The following CCDC83 variants were observed in gnomAD, a reference collection of about 807,000 sequenced individuals.
CCDC83 encodes coiled-coil domain-containing protein 83.
A neutral mutation model predicts 50.1 loss-of-function variants in CCDC83; 54 were observed. That is an observed-to-expected ratio of 1.08 (90% CI 0.87 to 1.35). The LOEUF (loss-of-function observed/expected upper bound fraction) is 1.35, where lower values mean the gene tolerates loss of function less well. CCDC83 is among the 40% of genes most tolerant of loss of function. CCDC83 has a pLI of 0.00. For synonymous variants in CCDC83, 161 were observed against 153.3 expected, an observed-to-expected ratio of 1.05 and a Z score of -0.37; for missense variants, 518 against 473.9, an observed-to-expected ratio of 1.09 and a Z score of -0.86.
intron 2 of CCDC83, among the ~76,000 whole-genome samples, chr11:85,868,737 C>T (rs1414508731): frequency 6.6e-6 from 1 of 152,140 alleles, no homozygotes; most frequent in African/African-American, 2.4e-5. Flanking sequence ...GTCTCAAACT[C>T]CTGGGCTCAA....
At chr11:85,893,406 G>A (rs1280610598) in intron 5 of CCDC83, among the ~76,000 whole-genome samples, 1 of 152,180 alleles carries the variant, frequency 6.6e-6, no homozygotes, top group Non-Finnish European at 1.5e-5. Context: ...CTGGTCAATT[G>A]AAAGACCAGA....
chr11:85,863,124 C>T (rs2093187187), intron 1 of CCDC83, among the ~76,000 whole-genome samples: 1 of 152,180 alleles, frequency 6.6e-6, no homozygotes, highest in Non-Finnish European at 1.5e-5. Context: ...TGATCTCTTC[C>T]ATATGACTTA....
intron 3 of CCDC83, among the ~76,000 whole-genome samples, chr11:85,881,296 C>G (rs1191185974): frequency 6.6e-6 from 1 of 151,850 alleles, no homozygotes; most frequent in Non-Finnish European, 1.5e-5. Flanking sequence ...TCGCTTGAAC[C>G]AGGGAAGTGG....
chr11:85,899,366 T>C (rs1230906719), intron 7 of CCDC83, among the ~76,000 whole-genome samples: 1 of 152,208 alleles, frequency 6.6e-6, no homozygotes, highest in East Asian at 1.9e-4. Flanking sequence ...CTGGGTTAAA[T>C]TGTCTCTTTT....
At chr11:85,871,420 C>CT (rs1043132316) in intron 2 of CCDC83, among the ~76,000 whole-genome samples, 7 of 151,504 alleles carry the variant, frequency 4.6e-5, no homozygotes, top group African/African-American at 9.7e-5. Flanking sequence ...TCCAAACGAG[C>CT]TTTTTTTTGA....
rs1204876370 is a variant in CCDC83 at position 85,882,629 on chromosome 11, G to GA, written c.299dup (p.Glu101GlyfsTer6). 2 of 1,613,890 alleles carry GA rather than the reference G, an allele frequency of 1.2e-6. No individual in the cohort carries two copies. The highest frequency in any genetic ancestry group is 2.7e-5 in the African/African-American group (2 of 74,908). On this transcript the variant is annotated frameshift_variant, in exon 4 of 11. Coordinates refer to ENST00000342404, the MANE Select transcript of CCDC83 (RefSeq NM_001286159.2). LOFTEE classifies it high-confidence loss of function. ...CAAGAGAGGATGTTGAAGAAGCGAT[G>GA]AAGGAAAAATGGAAGTTTGAAAGAG...
intron 7 of CCDC83, among the ~76,000 whole-genome samples, chr11:85,900,360 T>C (rs1047792151): frequency 4.0e-5 from 6 of 151,418 alleles, no homozygotes; most frequent in Admixed American, 6.6e-5. Context: ...AGGTTTCTAG[T>C]GTAGACCTTA....
intron 7 of CCDC83, among the ~76,000 whole-genome samples, chr11:85,908,393 A>G (rs1265123484): frequency 6.6e-6 from 1 of 151,986 alleles, no homozygotes; most frequent in Admixed American, 6.6e-5. Flanking sequence ...TCTACTAAAG[A>G]TGCAAAAAAA....
In CCDC83 at chr11:85,916,048, C is replaced by CCAAT; in HGVS notation, c.896_897insAATC (p.Thr300IlefsTer7). On this transcript the variant is annotated frameshift_variant, in exon 10 of 11. Transcript: ENST00000342404. LOFTEE classifies it high-confidence loss of function. ...CCAAGAAGAGAAGTCAGAATTGCAA[C>CCAAT]CCACAGAAGTAGAAAGTAGAGACTT... 1 of 1,609,748 alleles carries CCAAT rather than the reference C, an allele frequency of 6.2e-7. No individual in the cohort carries two copies. Among genetic ancestry groups the CCAAT allele is most frequent in the Non-Finnish European group, 8.5e-7 (1 of 1,177,922 alleles).
At chr11:85,879,839 G>A (rs1273451118) in intron 3 of CCDC83, among the ~76,000 whole-genome samples, 1 of 152,046 alleles carries the variant, frequency 6.6e-6, no homozygotes, top group Non-Finnish European at 1.5e-5. Flanking sequence ...GGCTGGTCTT[G>A]AACTGACCTC....
At chr11:85,918,757 T>C (rs1415452091) in intron 10 of CCDC83, among the ~76,000 whole-genome samples, 2 of 152,108 alleles carry the variant, frequency 1.3e-5, no homozygotes, top group African/African-American at 4.8e-5. Flanking sequence ...AAAAGTGGGC[T>C]GGAGGGGAAA....
chr11:85,911,191 AAGAAAG>A, intron 7 of CCDC83, 84 bp from the exon 8 acceptor site: 1 of 1,114,792 alleles, frequency 9.0e-7, no homozygotes, highest in Non-Finnish European at 1.2e-6. Context: ...AAAAAAAAAA[AAGAAAG>A]AAAAAAGAAA....
intron 10 of CCDC83, among the ~76,000 whole-genome samples, chr11:85,917,192 G>GAAAGAAAGAAAGAAAGAAAGAAAGAA (rs368407830): frequency 5.0e-5 from 4 of 79,790 alleles, no homozygotes; most frequent in African/African-American, 2.0e-4. Flanking sequence ...AAGAAAGAAA[G>GAAAGAAAGAAAGAAAGAAAGAAAGAA]AGAAAGAAAG....
At chr11:85,862,300 A>G (rs1207872475) in intron 1 of CCDC83, among the ~76,000 whole-genome samples, 2 of 152,220 alleles carry the variant, frequency 1.3e-5, no homozygotes, top group Non-Finnish European at 2.9e-5. Context: ...TTTCAAACCC[A>G]GGATGCTCAC....
At chr11:85,885,858 T>C (rs528334082) in intron 4 of CCDC83, among the ~76,000 whole-genome samples, 1 of 152,316 alleles carries the variant, frequency 6.6e-6, no homozygotes, top group Admixed American at 6.5e-5. Context: ...AGAATACATA[T>C]TATACATATT....
At chr11:85,894,399 C>T (rs1466231283) in intron 5 of CCDC83, among the ~76,000 whole-genome samples, 5 of 152,132 alleles carry the variant, frequency 3.3e-5, no homozygotes, top group Non-Finnish European at 7.4e-5. Context: ...GAACATATAA[C>T]ACAGAAGTAA....
intron 2 of CCDC83, among the ~76,000 whole-genome samples, chr11:85,866,304 G>A (rs1374001543): frequency 9.9e-5 from 15 of 152,276 alleles, no homozygotes; most frequent in Non-Finnish European, 2.2e-4. Flanking sequence ...GTCAAGTGCT[G>A]GGTACTGGAA....
intron 1 of CCDC83, among the ~76,000 whole-genome samples, chr11:85,860,682 G>A (rs1296960829): frequency 6.6e-6 from 1 of 152,178 alleles, no homozygotes; most frequent in Non-Finnish European, 1.5e-5. Flanking sequence ...CAGACACATG[G>A]ACTCATGTTC....
intron 10 of CCDC83, among the ~76,000 whole-genome samples, chr11:85,917,128 AAAAGAAAGAGAG>A (rs1279920154): frequency 7.0e-5 from 7 of 99,928 alleles, no homozygotes; most frequent in African/African-American, 3.3e-4. Context: ...AGAAAAAAGA[AAAAGAAAGAGAG>A]AGAGAGAGAG....
Sources: allele counts gnomAD v4.1 joint callset (sites outside exome capture counted in the v4.1 genomes callset), GRCh38; gene constraint gnomAD v4.1.1; transcripts MANE v1.5; gene names NCBI Gene and HGNC (gene_info 2026-07-23, HGNC 2026-07-21).